The following FMN1 variants were observed in gnomAD, a reference collection of about 807,000 sequenced individuals.
FMN1 encodes formin 1.
A neutral mutation model predicts 132.4 loss-of-function variants in FMN1; 110 were observed. The observed-to-expected ratio is 0.83, with a 90% CI of 0.71 to 0.97. The LOEUF (loss-of-function observed/expected upper bound fraction) is 0.97. Ranked by LOEUF, FMN1 falls within the 50% of genes least tolerant of loss-of-function variation. The probability of loss-of-function intolerance (pLI) is 0.00; values close to 1 mark genes in which losing one functional copy is unlikely to be tolerated. For synonymous variants in FMN1, 722 were observed against 651.7 expected (o/e 1.11, Z -1.64); for missense variants, 1,792 against 1,705.3 (o/e 1.05, Z -0.90).
rs543632424 is a variant in FMN1, at chr15:32,961,507, T to C, written c.3138+2600A>G. 3.3e-5 allele frequency among the ~76,000 whole-genome samples: 5 copies of C among 152,148 alleles called. No homozygotes were observed. The South Asian group carries it at 8.3e-4, about 25-fold the overall frequency. ...AGCCCAAGCTCACATAGCAAGTCAA[T>C]AGCAACACAGAGTACTATACTTTTT... is the stretch of plus-strand genomic sequence containing the variant. On this transcript the variant is annotated intron_variant, in intron 9 of 20. Transcript: ENST00000616417.
At chr15:33,143,634 G>T (rs1019349812) in intron 4 of FMN1, among the ~76,000 whole-genome samples, 12 of 152,136 alleles carry the variant, frequency 7.9e-5, no homozygotes, top group Admixed American at 3.9e-4. Flanking sequence ...ATTTTACTCT[G>T]CTGGGTGGCA....
intron 5 of FMN1, chr15:33,067,064 G>A (rs781633498): frequency 5.6e-6 from 9 of 1,613,988 alleles, no homozygotes; most frequent in Non-Finnish European, 7.6e-6. Flanking sequence ...GAAAAAAGCT[G>A]GAAGTTGGAA....
chr15:32,807,297 G>A (rs987636089), intron 17 of FMN1, among the ~76,000 whole-genome samples: 5 of 152,118 alleles, frequency 3.3e-5, no homozygotes, highest in African/African-American at 9.7e-5. Context: ...TTAGGCAGAC[G>A]GAAGCCATGG....
intron 17 of FMN1, among the ~76,000 whole-genome samples, chr15:32,835,840 C>A (rs1331215809): frequency 6.6e-6 from 1 of 151,948 alleles, no homozygotes; most frequent in Non-Finnish European, 1.5e-5. Context: ...TCACACTGTT[C>A]TTCTTTTTCT....
chr15:32,946,323 A>C (rs1295110531), intron 9 of FMN1, among the ~76,000 whole-genome samples: 1 of 152,118 alleles, frequency 6.6e-6, no homozygotes, highest in Non-Finnish European at 1.5e-5. Flanking sequence ...GCCATCCATG[A>C]AGAGTGAGCG....
intron 9 of FMN1, among the ~76,000 whole-genome samples, chr15:32,951,623 T>C (rs865968564): frequency 5.0e-4 from 76 of 152,304 alleles, no homozygotes; most frequent in African/African-American, 1.6e-3. Flanking sequence ...GTTCTCATGG[T>C]GGCAATGATG....
chr15:33,191,844 A>G (rs964262822), intron 2 of FMN1, among the ~76,000 whole-genome samples: 3 of 152,208 alleles, frequency 2.0e-5, no homozygotes, highest in African/African-American at 7.2e-5. Context: ...GGAGAATACA[A>G]TTCCCATGGT....
intron 7 of FMN1, among the ~76,000 whole-genome samples, chr15:32,979,421 T>C (rs889294143): frequency 7.9e-5 from 12 of 151,298 alleles, no homozygotes; most frequent in African/African-American, 2.7e-4. Flanking sequence ...CCGGGCGTGG[T>C]GGTGGGTGCC....
intron 17 of FMN1, among the ~76,000 whole-genome samples, chr15:32,819,290 T>A (rs1175741399): frequency 6.6e-6 from 1 of 152,178 alleles, no homozygotes; most frequent in Non-Finnish European, 1.5e-5. Context: ...TAAAAAGTAT[T>A]ACTACTTCTG....
chr15:33,126,112 G>GC (rs1360533697), intron 4 of FMN1, among the ~76,000 whole-genome samples: 1 of 152,166 alleles, frequency 6.6e-6, no homozygotes, highest in Non-Finnish European at 1.5e-5. Context: ...TTACGCTTTT[G>GC]CAGCTGTGGC....
intron 5 of FMN1, among the ~76,000 whole-genome samples, chr15:33,079,088 T>C (rs1450788337): frequency 6.6e-6 from 1 of 152,252 alleles, no homozygotes; most frequent in Non-Finnish European, 1.5e-5. Context: ...CATCATTTTA[T>C]ATAAAATTCA....
intron 9 of FMN1, among the ~76,000 whole-genome samples, chr15:32,962,008 C>T (rs576123328): frequency 1.3e-5 from 2 of 152,206 alleles, no homozygotes; most frequent in South Asian, 2.1e-4. Flanking sequence ...GACCTCACCC[C>T]CACCCTACTA....
chr15:32,964,038 C>CACACACAT (rs1555505901), intron 9 of FMN1, 69 bp downstream of exon 9: 28 of 1,125,714 alleles, frequency 2.5e-5, no homozygotes, highest in East Asian at 2.1e-4. Context: ...CACACACACA[C>CACACACAT]ACACACACAC....
intron 16 of FMN1, among the ~76,000 whole-genome samples, chr15:32,880,713 G>A (rs897982612): frequency 6.6e-6 from 1 of 152,124 alleles, no homozygotes; most frequent in African/African-American, 2.4e-5. Flanking sequence ...TAAGGTTCTG[G>A]ACTGGGAATA....
rs1421824992 is a variant in FMN1, at chr15:33,065,000, T to A, written c.2118A>T (p.Thr706=). The part of the protein sequence containing the change: ...RLQAVWPPPK[T]KDTEEKVGLK... The stretch of plus-strand genomic sequence containing the variant: ...GTCCCACTTTTTCTTCTGTGTCTTT[T>A]GTCTTTGGGGGTGGCCAGACAGCTT... Residue 706 remains threonine, a synonymous_variant, in exon 6 of 21, where the codon ACA becomes ACT. Coordinates refer to ENST00000616417, the MANE Select transcript of FMN1 (RefSeq NM_001277313.2). 6.2e-7 allele frequency: 1 copy of A among 1,612,334 alleles called. No homozygotes were observed. Among genetic ancestry groups the A allele is most frequent in the Non-Finnish European group, 8.5e-7 (1 of 1,179,246 alleles).
intron 10 of FMN1, among the ~76,000 whole-genome samples, chr15:32,914,620 G>A (rs1349229149): frequency 1.3e-5 from 2 of 152,190 alleles, no homozygotes; most frequent in Non-Finnish European, 2.9e-5. Context: ...CACACAAAAA[G>A]TCAAAATTTG....
chr15:33,068,142 TTAC>T, intron 5 of FMN1: 1 of 687,014 alleles, frequency 1.5e-6, no homozygotes, highest in Non-Finnish European at 2.1e-6. Context: ...GCTGCGCACC[TTAC>T]TACACACGGA....
intron 17 of FMN1, among the ~76,000 whole-genome samples, chr15:32,848,573 A>C (rs2058918255): frequency 6.6e-6 from 1 of 152,182 alleles, no homozygotes; most frequent in Non-Finnish European, 1.5e-5. Context: ...CAATGAAAGT[A>C]ATGAGACTGT....
chr15:32,948,212 C>A (rs534404514), intron 9 of FMN1, among the ~76,000 whole-genome samples: 217 of 152,042 alleles, frequency 1.4e-3, no homozygotes, highest in African/African-American at 5.0e-3. Context: ...AATCTATTAA[C>A]ATTTTAATTA....
Sources: gnomAD v4.1 joint callset for allele counts (sites outside exome capture counted in the v4.1 genomes callset) on GRCh38, gnomAD v4.1.1 for gene constraint, MANE v1.5 for transcripts, NCBI Gene and HGNC (gene_info 2026-07-23, HGNC 2026-07-21) for gene names.